The following RANBP2 variants were observed in gnomAD, a reference collection of about 807,000 sequenced individuals.
RANBP2 encodes E3 SUMO-protein ligase RanBP2.
RANBP2 carries 57 observed loss-of-function variants against 303.6 expected under a neutral mutation model. That is an observed-to-expected ratio of 0.19 (90% confidence interval 0.15 to 0.23). The LOEUF (loss-of-function observed/expected upper bound fraction) is 0.23, where lower values mean the gene tolerates loss of function less well. Ranked by LOEUF, RANBP2 falls within the 10% of genes least tolerant of loss-of-function variation. RANBP2 has a pLI of 1.00. For missense variants in RANBP2, 3,138 were observed against 3,780.8 expected, an observed-to-expected ratio of 0.83 and a Z score of 4.46; for synonymous variants, 1,167 against 1,301.5, an observed-to-expected ratio of 0.90 and a Z score of 2.23.
chr2:109,474,197 G>A, the RANBP2 span, among the ~76,000 whole-genome samples: 4 of 152,192 alleles, frequency 2.6e-5, no homozygotes, highest in Non-Finnish European at 4.4e-5. Flanking sequence ...GTGGGCAGGT[G>A]TAAGCCATGC....
At chr2:109,156,538 T>A in the RANBP2 span, among the ~76,000 whole-genome samples, 6 of 152,036 alleles carry the variant, frequency 3.9e-5, no homozygotes, top group Non-Finnish European at 5.9e-5. Context: ...CTTTACCTCC[T>A]GAGTTCAAGC....
the RANBP2 span, among the ~76,000 whole-genome samples, chr2:109,147,588 A>G: frequency 6.6e-6 from 1 of 152,216 alleles, no homozygotes; most frequent in Non-Finnish European, 1.5e-5. Context: ...TCAATTATTC[A>G]GGAGGGTTAT....
the RANBP2 span, among the ~76,000 whole-genome samples, chr2:109,592,756 G>A: frequency 6.6e-6 from 1 of 151,594 alleles, no homozygotes; most frequent in Non-Finnish European, 1.5e-5. Context: ...CTCCAGCCTG[G>A]GCGACAGAGC....
At chr2:109,650,314 C>T in the RANBP2 span, among the ~76,000 whole-genome samples, 2 of 152,304 alleles carry the variant, frequency 1.3e-5, no homozygotes, top group East Asian at 1.9e-4. Context: ...AGAGGTTAGT[C>T]ATTGCAGGAA....
chr2:108,811,560 C>CT, the RANBP2 span, among the ~76,000 whole-genome samples: 1 of 151,936 alleles, frequency 6.6e-6, no homozygotes, highest in African/African-American at 2.4e-5. Flanking sequence ...TTTTCTTAGT[C>CT]TAGCTCATGG....
At chr2:109,044,376 A>G in the RANBP2 span, among the ~76,000 whole-genome samples, 1 of 152,006 alleles carries the variant, frequency 6.6e-6, no homozygotes, top group Non-Finnish European at 1.5e-5. Flanking sequence ...ACAAAAAATT[A>G]GCTGGGTATG....
chr2:109,662,197 C>T, the RANBP2 span, among the ~76,000 whole-genome samples: 1 of 151,708 alleles, frequency 6.6e-6, no homozygotes, highest in Non-Finnish European at 1.5e-5. Flanking sequence ...TTTCCTTTGT[C>T]CTCCTTCCTT....
the RANBP2 span, among the ~76,000 whole-genome samples, chr2:109,445,276 G>A: frequency 1.3e-5 from 2 of 152,188 alleles, no homozygotes; most frequent in Non-Finnish European, 2.9e-5. Context: ...CAAAGGAGTA[G>A]TCCCTGAGAA....
the RANBP2 span, among the ~76,000 whole-genome samples, chr2:109,382,058 C>T: frequency 6.6e-6 from 1 of 152,066 alleles, no homozygotes; most frequent in South Asian, 2.1e-4. Context: ...TTGAGGTCTG[C>T]AGTTGCTTAT....
the RANBP2 span, among the ~76,000 whole-genome samples, chr2:109,208,559 C>T: frequency 6.6e-6 from 1 of 152,260 alleles, no homozygotes; most frequent in Non-Finnish European, 1.5e-5. Context: ...CCAACCGACC[C>T]ACCTGCAGCA....
At position 108,731,424 on chromosome 2, in the gene RANBP2, G is replaced by C; in HGVS notation, c.355G>C (p.Glu119Gln). ...VTDGRAKYWLERAAKLFPGSP... is the reference protein window; with the variant it reads ...VTDGRAKYWLQRAAKLFPGSP... ...TGATGGAAGAGCAAAATACTGGCTT[G>C]AAAGAGCAGCCAAACTTTTCCCAGG... Residue 119 changes from glutamate (E) to glutamine (Q), a missense_variant, in exon 4 of 29, where the codon GAA becomes CAA. By Grantham distance (29) the Glu-to-Gln change is conservative. This residue lies in a region of RANBP2 where 306 missense variants were observed against 381.9 expected (regional missense o/e 0.80). Transcript: ENST00000283195. 1 of 1,611,516 alleles carries C rather than the reference G, an allele frequency of 6.2e-7. No homozygotes were observed. Among genetic ancestry groups the C allele is most frequent in the Non-Finnish European group, 8.5e-7 (1 of 1,179,568 alleles).
At chr2:109,760,384 GGGCCAGGCGGGGCGGGGGCGGC>G in the RANBP2 span, 2 of 377,358 alleles carry the variant, frequency 5.3e-6, no homozygotes, top group African/African-American at 5.1e-5. Context: ...GCGGGGCCGG[GGGCCAGGCGGGGCGGGGGCGGC>G]GGCGGCGGCG....
the RANBP2 span, chr2:109,501,362 A>C: frequency 2.0e-6 from 1 of 507,790 alleles, no homozygotes; most frequent in Admixed American, 3.2e-5. Flanking sequence ...GAAAAAATTA[A>C]AAATAAAGAT....
the RANBP2 span, among the ~76,000 whole-genome samples, chr2:109,550,729 G>C: frequency 6.6e-6 from 1 of 152,160 alleles, no homozygotes; most frequent in Non-Finnish European, 1.5e-5. Context: ...CTAGAAGTTA[G>C]AGCCCAGTCT....
At chr2:109,565,318 T>A in the RANBP2 span, among the ~76,000 whole-genome samples, 1 of 152,192 alleles carries the variant, frequency 6.6e-6, no homozygotes, top group Non-Finnish European at 1.5e-5. Flanking sequence ...ACTTACTCAT[T>A]ATAATGTCAG....
chr2:108,988,537 C>T, the RANBP2 span, among the ~76,000 whole-genome samples: 59 of 152,246 alleles, frequency 3.9e-4, no homozygotes, highest in Middle Eastern at 3.4e-3. Flanking sequence ...TAGGTCACAG[C>T]GGGTACGCAG....
At chr2:109,638,012 C>G in the RANBP2 span, among the ~76,000 whole-genome samples, 1 of 152,180 alleles carries the variant, frequency 6.6e-6, no homozygotes, top group Non-Finnish European at 1.5e-5. Flanking sequence ...TTTCCTTATT[C>G]TGATCACTGT....
chr2:108,954,232 G>A, the RANBP2 span, among the ~76,000 whole-genome samples: 1 of 152,158 alleles, frequency 6.6e-6, no homozygotes, highest in Admixed American at 6.5e-5. Flanking sequence ...TAGAACTGGA[G>A]ATCCTGTTCC....
chr2:109,390,688 G>A, the RANBP2 span, among the ~76,000 whole-genome samples: 1 of 152,198 alleles, frequency 6.6e-6, no homozygotes, highest in African/African-American at 2.4e-5. Flanking sequence ...ATGGACTCTG[G>A]GATGAGGAAG....
Sources: gnomAD v4.1 joint callset for allele counts (sites outside exome capture counted in the v4.1 genomes callset) on GRCh38, gnomAD v4.1.1 for gene constraint, gnomAD v4.1.1 regional missense constraint, MANE v1.5 for transcripts, NCBI Gene and HGNC (gene_info 2026-07-23, HGNC 2026-07-21) for gene names.